The following ZNF654 variants were observed in gnomAD, a reference collection of about 807,000 sequenced individuals.
ZNF654 encodes zinc finger protein 654, also known as melanoma-associated antigen.
In ZNF654, 19 loss-of-function variants were observed where a neutral mutation model predicts 95.3. That is an observed-to-expected ratio of 0.20 (90% CI 0.14 to 0.29). The LOEUF is 0.29. ZNF654 is among the 10% of genes least tolerant of loss of function. The pLI is 1.00. For synonymous variants in ZNF654, 413 were observed against 457.9 expected, an observed-to-expected ratio of 0.90 and a Z score of 1.25; for missense variants, 1,046 against 1,341.0, an observed-to-expected ratio of 0.78 and a Z score of 3.44.
chr3:88,071,125 T>C (rs1707486009), intron 1 of ZNF654, among the ~76,000 whole-genome samples: 1 of 152,222 alleles, frequency 6.6e-6, no homozygotes, highest in Non-Finnish European at 1.5e-5. Flanking sequence ...CAATTTTTGC[T>C]TTCCTTCCTG....
At chr3:88,065,935 A>G (rs1707173184) in intron 1 of ZNF654, among the ~76,000 whole-genome samples, 1 of 152,148 alleles carries the variant, frequency 6.6e-6, no homozygotes, top group Non-Finnish European at 1.5e-5. Flanking sequence ...AGGTTTTACC[A>G]TGATCTGCAG....
chr3:88,138,851 T>C lies in ZNF654; in HGVS notation c.1182T>C (p.Cys394=), dbSNP rs1224199463. 1.8e-5 allele frequency: 22 copies of C among 1,231,988 alleles called. 1 individual carries two copies. In the Admixed American group the frequency reaches 9.3e-4, roughly 52 times the overall value. 76.3% of individuals were successfully genotyped at this position (1,231,988 alleles called of 1,614,324 possible). ...ATGATTTGGAGATCCTCAGGATTTG[T>C]GCACTCTCAATATTTTTTCTGGAGC... ...LPNDLEILRI[C]ALSIFFLERS... Residue 394 remains cysteine (C), a synonymous_variant, in exon 8 of 9, where the codon TGT becomes TGC. Transcript: ENST00000636215.
intron 1 of ZNF654, among the ~76,000 whole-genome samples, chr3:88,072,079 C>T (rs1707547782): frequency 6.6e-6 from 1 of 151,986 alleles, no homozygotes; most frequent in Admixed American, 6.6e-5. Flanking sequence ...GAGGGTATTC[C>T]TTTAAGAAAA....
intron 3 of ZNF654, among the ~76,000 whole-genome samples, chr3:88,118,733 C>T (rs558274832): frequency 3.9e-5 from 6 of 152,210 alleles, no homozygotes; most frequent in South Asian, 2.1e-4. Context: ...TTTTTTGAGG[C>T]GAATTTTCAA....
intron 5 of ZNF654, among the ~76,000 whole-genome samples, chr3:88,129,222 A>G: frequency 6.6e-6 from 1 of 151,996 alleles, no homozygotes; most frequent in South Asian, 2.1e-4. Flanking sequence ...TGATGAAATC[A>G]ATAAAATATA....
At chr3:88,061,590 G>A (rs1336271215) in intron 1 of ZNF654, among the ~76,000 whole-genome samples, 1 of 152,068 alleles carries the variant, frequency 6.6e-6, no homozygotes, top group African/African-American at 2.4e-5. Flanking sequence ...TGAGCTTTGT[G>A]AAGTCCTTTT....
In ZNF654 at chr3:88,138,792, C is replaced by T. The variant is rs1706957139; in HGVS notation, c.1123C>T (p.Leu375=). 3 of 1,231,882 alleles carry T rather than the reference C, an allele frequency of 2.4e-6. No homozygotes were observed. Among genetic ancestry groups the T allele is most frequent in the Admixed American group, 8.4e-5 (2 of 23,682 alleles). 76.3% of individuals were successfully genotyped at this position (1,231,882 alleles called of 1,614,324 possible). A position where few individuals can be genotyped will look rare whatever the true frequency, so the allele number is the denominator to read the frequency against. The part of the protein sequence containing the change: ...DLHDDPKTKC[L]IYKTIAHFLP... ...TCATGATGATCCCAAAACTAAATGT[C>T]TAATTTATAAAACAATTGCACATTT... Residue 375 remains leucine (L), a synonymous_variant, in exon 8 of 9, where the codon CTA becomes TTA. Transcript: ENST00000636215.
At chr3:88,078,171 G>C (rs775409286) in intron 1 of ZNF654, among the ~76,000 whole-genome samples, 3 of 152,032 alleles carry the variant, frequency 2.0e-5, no homozygotes, top group African/African-American at 4.8e-5. Flanking sequence ...TTTCCTCTTG[G>C]ATGGAATTAA....
chr3:88,063,376 A>G (rs1375951285), intron 1 of ZNF654, among the ~76,000 whole-genome samples: 2 of 152,344 alleles, frequency 1.3e-5, no homozygotes, highest in African/African-American at 2.4e-5. Flanking sequence ...ACTGTGGGCC[A>G]GGCACTGTAA....
intron 2 of ZNF654, among the ~76,000 whole-genome samples, chr3:88,102,098 C>G (rs1439380154): frequency 3.9e-5 from 6 of 151,984 alleles, no homozygotes; most frequent in Non-Finnish European, 8.8e-5. Flanking sequence ...TATATCTTGT[C>G]TTTTCATTTT....
At chr3:88,069,043 C>T (rs1211821319) in intron 1 of ZNF654, among the ~76,000 whole-genome samples, 2 of 152,110 alleles carry the variant, frequency 1.3e-5, no homozygotes, top group African/African-American at 4.8e-5. Context: ...GTTAAAAAGA[C>T]TCAAGGCAGC....
At chr3:88,134,976 G>T in intron 6 of ZNF654, 85 bp from the exon 7 acceptor site, 1 of 960,890 alleles carries the variant, frequency 1.0e-6, no homozygotes, top group South Asian at 2.6e-5. Context: ...CCCAGCCAGG[G>T]CACTATAGAA....
At chr3:88,102,185 G>A (rs947127495) in intron 2 of ZNF654, among the ~76,000 whole-genome samples, 2 of 152,028 alleles carry the variant, frequency 1.3e-5, no homozygotes, top group Non-Finnish European at 2.9e-5. Context: ...TTTTCTTCGT[G>A]TTTCTTGATT....
chr3:88,136,674 A>C (rs1431701818), intron 7 of ZNF654, among the ~76,000 whole-genome samples: 3 of 152,082 alleles, frequency 2.0e-5, no homozygotes, highest in African/African-American at 7.2e-5. Context: ...TGGGTGGGGG[A>C]TGAGACTAAT....
At position 88,138,758 on chromosome 3, in the gene ZNF654, A is replaced by G; in HGVS notation, c.1089A>G (p.Gln363=). The change falls in exon 8 of 9, where the codon CAA becomes CAG. Residue 363 remains glutamine, a synonymous_variant. Transcript: ENST00000636215. ...ICVEICGCAL[Q]LDLHDDPKTK... ...TTGAAATATGTGGTTGTGCTCTACA[A>G]CTCGACCTTCATGATGATCCCAAAA... The G allele has an allele frequency of 1.6e-6, 2 of 1,232,008 alleles. No homozygotes were observed. The highest frequency in any genetic ancestry group is 2.0e-6 in the Non-Finnish European group (2 of 987,886). The allele number at this position is 1,232,008 out of a possible 1,614,324, so 76.3% of individuals were successfully genotyped here.
At chr3:88,110,327 A>G (rs776013687) in intron 2 of ZNF654, among the ~76,000 whole-genome samples, 51 of 152,120 alleles carry the variant, frequency 3.4e-4, no homozygotes, top group Non-Finnish European at 4.4e-5. Flanking sequence ...CTGTCTGCCT[A>G]TAATAGGTCT....
chr3:88,061,726 A>T (rs1475055159), intron 1 of ZNF654, among the ~76,000 whole-genome samples: 1 of 152,194 alleles, frequency 6.6e-6, no homozygotes, highest in Non-Finnish European at 1.5e-5. Context: ...GGATTATTTA[A>T]TCTAATTCCT....
chr3:88,141,504 C>CA (rs1707129937), intron 8 of ZNF654, 141 bp from the exon 9 acceptor site: 1 of 547,064 alleles, frequency 1.8e-6, no homozygotes, highest in Non-Finnish European at 2.9e-6. Context: ...AATTGAGAAA[C>CA]AAAATCAGAA....
At position 88,100,374 on chromosome 3, in the gene ZNF654, G is replaced by A. The variant is rs538129353; in HGVS notation, c.333-12741G>A. Among the ~76,000 whole-genome samples the A allele has an allele frequency of 5.4e-3, 815 of 152,268 alleles. 6 individuals are homozygous for A. Among genetic ancestry groups the A allele is most frequent in the African/African-American group, 0.017 (700 of 41,552 alleles). On this transcript the variant is annotated intron_variant, in intron 2 of 8. Transcript: ENST00000636215. The stretch of plus-strand genomic sequence containing the variant: ...ATAGGAACACTTTTACACTGTTGGT[G>A]GGACTGTAAACTAGTTCAACCATTG...
Sources: gnomAD v4.1 joint callset for allele counts (sites outside exome capture counted in the v4.1 genomes callset) on GRCh38, gnomAD v4.1.1 for gene constraint, MANE v1.5 for transcripts, NCBI Gene and HGNC (gene_info 2026-07-23, HGNC 2026-07-21) for gene names.